Variants in PLXDC2 observed in about 807,000 individuals in gnomAD.
PLXDC2 encodes the protein plexin domain-containing protein 2.
PLXDC2 carries 40 observed loss-of-function variants against 68.9 expected under a neutral mutation model. The observed-to-expected ratio is 0.58, with a 90% CI of 0.45 to 0.76. PLXDC2 has a LOEUF of 0.76. Ranked by LOEUF, PLXDC2 falls within the 30% of genes least tolerant of loss-of-function variation. The probability of loss-of-function intolerance (pLI) is 0.00; values close to 1 mark genes in which losing one functional copy is unlikely to be tolerated. For synonymous variants in PLXDC2, 243 were observed against 234.2 expected, an observed-to-expected ratio of 1.04 and a Z score of -0.34; for missense variants, 644 against 661.9, an observed-to-expected ratio of 0.97 and a Z score of 0.30.
At chr10:20,071,056 C>T (rs545194382) in intron 4 of PLXDC2, 1 of 152,034 alleles carries the variant, frequency 6.6e-6, no homozygotes, top group East Asian at 1.9e-4. Context: ...TTTTGTTTCT[C>T]TACTTAAAAC....
At chr10:19,944,174 A>G (rs1384210127) in intron 1 of PLXDC2, among the ~76,000 whole-genome samples, 3 of 152,184 alleles carry the variant, frequency 2.0e-5, no homozygotes, top group Non-Finnish European at 4.4e-5. Context: ...TGATGGTAGT[A>G]AATATTCTCC....
At chr10:19,902,009 C>T (rs572880425) in intron 1 of PLXDC2, among the ~76,000 whole-genome samples, 21 of 152,232 alleles carry the variant, frequency 1.4e-4, no homozygotes, top group African/African-American at 4.8e-4. Flanking sequence ...TTTCTGAGTT[C>T]TCTATTCTGT....
chr10:20,211,115 T>A (rs183304441), intron 9 of PLXDC2, among the ~76,000 whole-genome samples: 1 of 152,118 alleles, frequency 6.6e-6, no homozygotes, highest in African/African-American at 2.4e-5. Context: ...AGAGGTTACT[T>A]CTCAAGAGCA....
chr10:19,917,062 A>G (rs1833381314), intron 1 of PLXDC2, among the ~76,000 whole-genome samples: 2 of 152,224 alleles, frequency 1.3e-5, no homozygotes, highest in African/African-American at 4.8e-5. Flanking sequence ...TTCATCATCT[A>G]AGTTGGAAAG....
chr10:20,232,383 C>G (rs748248545), intron 12 of PLXDC2, among the ~76,000 whole-genome samples: 1 of 149,864 alleles, frequency 6.7e-6, no homozygotes, highest in African/African-American at 2.4e-5. Context: ...AAAACATGTC[C>G]ACACACACAC....
intron 12 of PLXDC2, among the ~76,000 whole-genome samples, chr10:20,238,665 A>ATATATATATG (rs1835467216): frequency 3.3e-5 from 4 of 120,052 alleles, no homozygotes; most frequent in African/African-American, 1.3e-4. Flanking sequence ...CAAAAAAAAT[A>ATATATATATG]TATATATATA....
At position 20,268,098 on chromosome 10, in the gene PLXDC2, G is replaced by A. The variant is rs183399706; in HGVS notation, c.1474-11605G>A. Among the ~76,000 whole-genome samples the A allele has an allele frequency of 4.2e-3, 644 of 152,180 alleles. 2 individuals are homozygous for A. Among genetic ancestry groups the A allele is most frequent in the Non-Finnish European group, 3.9e-3 (262 of 67,982 alleles). ...ATTGTATGACAATATAATTACAAAT[G>A]TATCTGTAAAGCCTCTACAATTGAT... On this transcript the variant is annotated intron_variant, in intron 13 of 13. Transcript: ENST00000377252.
chr10:20,035,219 C>T lies in PLXDC2; in HGVS notation c.325-11650C>T, dbSNP rs538898427. Among the ~76,000 whole-genome samples the T allele has an allele frequency of 1.2e-4, 18 of 152,100 alleles. No homozygotes were observed. In the East Asian group the frequency reaches 1.4e-3, roughly 11 times the overall value. Reference sequence around the variant, plus strand: ...TATTAGATTCTAACTCTATGGCAAACGACATCAAACCTCCTAGAAAAATTC... The same window carrying T: ...TATTAGATTCTAACTCTATGGCAAATGACATCAAACCTCCTAGAAAAATTC... On this transcript the variant is annotated intron_variant, in intron 2 of 13. Coordinates refer to ENST00000377252, the MANE Select transcript of PLXDC2 (RefSeq NM_032812.9).
At chr10:19,947,596 C>G (rs1464477608) in intron 1 of PLXDC2, among the ~76,000 whole-genome samples, 1 of 152,122 alleles carries the variant, frequency 6.6e-6, no homozygotes, top group Non-Finnish European at 1.5e-5. Flanking sequence ...TGACCTGTCT[C>G]ATTGAATTTG....
At chr10:20,156,297 C>G (rs1019974519) in intron 6 of PLXDC2, among the ~76,000 whole-genome samples, 3 of 152,294 alleles carry the variant, frequency 2.0e-5, no homozygotes, top group African/African-American at 7.2e-5. Context: ...GCAGTCTTAA[C>G]TCAGAGGGCA....
chr10:19,989,458 C>G (rs539376495), intron 1 of PLXDC2, among the ~76,000 whole-genome samples: 1 of 152,086 alleles, frequency 6.6e-6, no homozygotes, highest in Admixed American at 6.5e-5. Context: ...TAATATATAG[C>G]CAATAACATG....
At chr10:20,004,127 A>G (rs1326181349) in intron 2 of PLXDC2, among the ~76,000 whole-genome samples, 4 of 152,242 alleles carry the variant, frequency 2.6e-5, no homozygotes, top group Admixed American at 2.0e-4. Flanking sequence ...TAGTCCTGCA[A>G]ATAGTATCAA....
intron 1 of PLXDC2, among the ~76,000 whole-genome samples, chr10:19,971,016 G>A (rs17760038): frequency 0.052 from 7,925 of 152,246 alleles, 266 homozygotes; most frequent in Middle Eastern, 0.092. Context: ...ATGAAACCAC[G>A]CAGCTGTTCC....
At chr10:20,037,307 G>GTTCACCTA (rs1489052429) in intron 2 of PLXDC2, among the ~76,000 whole-genome samples, 2 of 145,970 alleles carry the variant, frequency 1.4e-5, no homozygotes, top group African/African-American at 5.5e-5. Context: ...TAAGTTGGCA[G>GTTCACCTA]TTCACCTAAC....
At chr10:19,953,391 G>C (rs1011147605) in intron 1 of PLXDC2, among the ~76,000 whole-genome samples, 2 of 152,186 alleles carry the variant, frequency 1.3e-5, no homozygotes, top group East Asian at 1.9e-4. Flanking sequence ...AACACTGGAT[G>C]TATATACCTG....
rs1240335444 is a variant in PLXDC2 at position 20,161,675 on chromosome 10, GA to G, written c.784-2785del. Among the ~76,000 whole-genome samples the G allele has an allele frequency of 4.0e-5, 6 of 150,622 alleles. No individual in the cohort carries two copies. In the East Asian group the frequency reaches 7.8e-4, roughly 20 times the overall value. On this transcript the variant is annotated intron_variant, in intron 6 of 13. Transcript: ENST00000377252. Reference sequence around the variant, plus strand: ...GGTGAAAGGAAGGAAAGAGATTGAGGAAAAAAAATAAAAATAAAAGATGGCT... The same window carrying G: ...GGTGAAAGGAAGGAAAGAGATTGAGGAAAAAAATAAAAATAAAAGATGGCT...
intron 3 of PLXDC2, among the ~76,000 whole-genome samples, chr10:20,050,191 A>C (rs1041334548): frequency 2.0e-5 from 3 of 152,272 alleles, no homozygotes; most frequent in Admixed American, 6.5e-5. Flanking sequence ...CCTTCCTTAC[A>C]CCATATACAA....
intron 3 of PLXDC2, among the ~76,000 whole-genome samples, chr10:20,067,538 T>G (rs1020785236): frequency 1.3e-5 from 2 of 152,016 alleles, no homozygotes; most frequent in African/African-American, 4.8e-5. Flanking sequence ...ATACAATAAA[T>G]TAGTCTGGCA....
chr10:20,217,624 T>TTTTA, intron 11 of PLXDC2, 48 bp downstream of exon 11: 6 of 1,207,440 alleles, frequency 5.0e-6, no homozygotes, highest in Non-Finnish European at 6.7e-6. Flanking sequence ...TTTTTTTTTT[T>TTTTA]CCCTGAAGGA....
Sources: gnomAD v4.1 joint callset for allele counts (sites outside exome capture counted in the v4.1 genomes callset) on GRCh38, gnomAD v4.1.1 for gene constraint, MANE v1.5 for transcripts, NCBI Gene and HGNC (gene_info 2026-07-23, HGNC 2026-07-21) for gene names.